The following TTN variants were observed in gnomAD, a reference collection of about 807,000 sequenced individuals.
The protein encoded by TTN is connectin.
Under a neutral mutation model 3,223.0 loss-of-function variants are expected in TTN, and 1,525 were observed. The observed-to-expected ratio is 0.47, with a 90% CI of 0.45 to 0.49. The LOEUF is 0.49. Among genes scored for constraint, TTN ranks in the 20% least tolerant of loss-of-function variants. TTN has a pLI of 0.00. For missense variants in TTN, 40,786 were observed against 43,424.0 expected, an observed-to-expected ratio of 0.94 and a Z score of 5.40; for synonymous variants, 14,094 against 15,161.0, an observed-to-expected ratio of 0.93 and a Z score of 5.17.
At chr2:178,541,785 A>T (rs573601252) in intron 349 of TTN, 358 of 317,976 alleles carry the variant, frequency 1.1e-3, no homozygotes, top group Middle Eastern at 9.4e-3. Flanking sequence ...TTTTATTAAA[A>T]ATTTTTGACT....
rs1041546705 is a variant in TTN, at chr2:178,723,434, G to T, written c.21666C>A (p.Thr7222=). The change falls in exon 74 of 363, where the codon ACC becomes ACA. Residue 7222 remains threonine (T), a synonymous_variant. Coordinates refer to ENST00000589042, the MANE Select transcript of TTN (RefSeq NM_001267550.2). Reference sequence around the variant, plus strand: ...TGAGCAAACCTTTCACAAAGAGACGGGTAGTGCAAGATGCTTGGCCAGCGT... The same window carrying T: ...TGAGCAAACCTTTCACAAAGAGACGTGTAGTGCAAGATGCTTGGCCAGCGT... ...SNNAGQASCT[T]RLFVKEPAAF... is the part of the protein sequence containing the mutation. The T allele has an allele frequency of 1.9e-6, 3 of 1,612,412 alleles. No homozygotes were observed. In the African/African-American group the frequency reaches 4.0e-5, roughly 22 times the overall value.
rs751001455 is a variant in TTN, at chr2:178,572,001, C to A, written c.74131G>T (p.Asp24711Tyr). 1 of 1,613,246 alleles carries A rather than the reference C, an allele frequency of 6.2e-7. No individual in the cohort carries two copies. The highest frequency in any genetic ancestry group is 8.5e-7 in the Non-Finnish European group (1 of 1,179,570). The change falls in exon 326 of 363, where the codon GAT (aspartate) becomes TAT (tyrosine). Residue 24711 changes from aspartate to tyrosine, a missense_variant. Coordinates refer to ENST00000589042, the MANE Select transcript of TTN (RefSeq NM_001267550.2). ...TTGAAGGCTGGTGGAATGACAAGAT[C>A]TTTGGCGATCACTGGCACACTCAGT... ...RQLSVPVIAK[D>Y]LVIPPAFKLL...
chr2:178,747,764 A>G, intron 47 of TTN: 2 of 1,611,772 alleles, frequency 1.2e-6, no homozygotes, highest in Non-Finnish European at 1.7e-6. Flanking sequence ...ACTAGTTTCT[A>G]TCATTTCTCC....
chr2:178,718,084 G>A lies in TTN; in HGVS notation c.24922C>T (p.Pro8308Ser), dbSNP rs373770383. The A allele has an allele frequency of 2.2e-5, 36 of 1,613,400 alleles. No individual in the cohort carries two copies. The African/African-American group carries it at 4.5e-4, about 20-fold the overall frequency. Residue 8308 changes from proline (P) to serine (S), a missense_variant, in exon 86 of 363, where the codon CCT (proline) becomes TCT (serine). Coordinates refer to ENST00000589042, the MANE Select transcript of TTN (RefSeq NM_001267550.2). ...YKEHTKLRSA[P>S]AYKMQFKNNV... ...TTTTTGAATTGCATTTTATATGCAG[G>A]AGCTGATCGTAGCTTTGTGTGTTCT...
chr2:178,623,219 C>T (rs1237486237), intron 242 of TTN, among the ~76,000 whole-genome samples: 1 of 151,848 alleles, frequency 6.6e-6, no homozygotes, highest in African/African-American at 2.4e-5. Flanking sequence ...GCACTATGGC[C>T]AGCCTTGTGT....
In TTN at chr2:178,667,319, T is replaced by G. The variant is rs1393002713; in HGVS notation, c.35714A>C (p.Glu11905Ala). The change falls in exon 162 of 363, where the codon GAA becomes GCA. Residue 11905 changes from glutamate (E) to alanine (A), a missense_variant and splice_region_variant. Transcript: ENST00000589042. ...AAAAATGCCTCTGGTTGTATCAGGT[T>G]CTTTAAAGATATTAGTAGGTTTACA... ...PKKRETPATKEPDTTRGIFPE... is the reference protein window; with the variant it reads ...PKKRETPATKAPDTTRGIFPE... 8.8e-6 allele frequency: 14 copies of G among 1,598,014 alleles called. No homozygotes were observed. The highest frequency in any genetic ancestry group is 1.1e-5 in the Non-Finnish European group (13 of 1,171,968).
chr2:178,584,746 A>C lies in TTN; in HGVS notation c.64895T>G (p.Phe21632Cys). The C allele has an allele frequency of 6.2e-7, 1 of 1,613,506 alleles. No homozygotes were observed. Among genetic ancestry groups the C allele is most frequent in the Non-Finnish European group, 8.5e-7 (1 of 1,179,582 alleles). The part of the protein sequence containing the change: ...GKLIPGQEYI[F>C]RVRAENRFGI... ...AAATCGGTTTTCAGCACGGACCCGG[A>C]AGATGTACTCCTGGCCTGGGATCAG... Residue 21632 changes from phenylalanine (F) to cysteine (C), a missense_variant, in exon 310 of 363, where the codon TTC becomes TGC. By Grantham distance (205) the Phe-to-Cys change is radical (BLOSUM62 -2). Coordinates refer to ENST00000589042, the MANE Select transcript of TTN (RefSeq NM_001267550.2).
At chr2:178,559,236 A>T in intron 326 of TTN, 75 bp downstream of exon 326, 1 of 1,343,240 alleles carries the variant, frequency 7.4e-7, no homozygotes, top group Non-Finnish European at 1.0e-6. Context: ...TGAAATAACG[A>T]CTAATTAGAA....
chr2:178,678,397 G>A lies in TTN; in HGVS notation c.33910+17C>T. 1.3e-6 allele frequency: 2 copies of A among 1,572,684 alleles called. No homozygotes were observed. The highest frequency in any genetic ancestry group is 1.7e-6 in the Non-Finnish European group (2 of 1,158,532). On this transcript the variant is annotated intron_variant, in intron 144 of 362. Coordinates refer to ENST00000589042, the MANE Select transcript of TTN (RefSeq NM_001267550.2). ...GAGTTTTTTCCCCCAAGTACTCTAA[G>A]TGATGAAATTATGTACCTTTTGCAG...
intron 44 of TTN, 107 bp from the exon 45 acceptor site, chr2:178,758,023 C>T (rs1299717503): frequency 7.6e-6 from 9 of 1,186,652 alleles, no homozygotes; most frequent in South Asian, 1.7e-5. Flanking sequence ...GACTAGAATT[C>T]AGTCCACTCC....
At position 178,546,063 on chromosome 2, in the gene TTN, A is replaced by C; in HGVS notation, c.95173T>G (p.Cys31725Gly). ...TGCGGAAGGCTCCAGGCTAAAGTGC[A>C]CTTCTCCTGTGTTACTCTGCTGACG... is the stretch of plus-strand genomic sequence containing the variant. ...LTVSRVTQEK[C>G]TLAWSLPQED... The change falls in exon 343 of 363, where the codon TGC (cysteine) becomes GGC (glycine). Residue 31725 changes from cysteine (C) to glycine (G), a missense_variant. Cys to Gly is a radical substitution (Grantham distance 159). Transcript: ENST00000589042. The C allele has an allele frequency of 6.2e-7, 1 of 1,613,574 alleles. No homozygotes were observed. Among genetic ancestry groups the C allele is most frequent in the Non-Finnish European group, 8.5e-7 (1 of 1,179,616 alleles).
At chr2:178,799,953 AC>A (rs2093977933) in intron 4 of TTN, 43 bp from the exon 5 acceptor site, 2 of 1,591,304 alleles carry the variant, frequency 1.3e-6, no homozygotes, top group Non-Finnish European at 1.7e-6. Context: ...GGGCACAATG[AC>A]CCATTTTAAA....
rs2072617029 is a variant in TTN, at chr2:178,692,154, C to A, written c.31679-55G>T. The stretch of plus-strand genomic sequence containing the variant: ...GGAATATTCTAGTCACCTTCTGAGA[C>A]ATCTAAGATTACATTAAAGCATAAA... On this transcript the variant is annotated intron_variant, in intron 120 of 362. Coordinates refer to ENST00000589042, the MANE Select transcript of TTN (RefSeq NM_001267550.2). 2.0e-6 allele frequency: 3 copies of A among 1,478,300 alleles called. No homozygotes were observed. The African/African-American group carries it at 4.2e-5, about 21-fold the overall frequency. The allele number at this position is 1,478,300 out of a possible 1,614,324, so 91.6% of individuals were successfully genotyped here. A position where few individuals can be genotyped will look rare whatever the true frequency, so the allele number is the denominator to read the frequency against.
chr2:178,615,718 T>G lies in TTN; in HGVS notation c.48383A>C (p.Lys16128Thr). 2 of 1,612,382 alleles carry G rather than the reference T, an allele frequency of 1.2e-6. No individual in the cohort carries two copies. Among genetic ancestry groups the G allele is most frequent in the Non-Finnish European group, 1.7e-6 (2 of 1,178,920 alleles). The change falls in exon 258 of 363, where the codon AAA becomes ACA. Residue 16128 changes from lysine (K) to threonine (T), a missense_variant. Physicochemically the swap from Lys to Thr is moderately conservative, Grantham distance 78 (BLOSUM62 -1). Coordinates refer to ENST00000589042, the MANE Select transcript of TTN (RefSeq NM_001267550.2). ...DLVQGKEYLF[K>T]VCARNKCGPG... is the part of the protein sequence containing the mutation. ...GCCACATTTGTTACGAGCACAAACT[T>G]TAAATAAGTACTCTTTTCCTTGAAC...
Position 178,720,997 on chromosome 2 carries a change from T to G in TTN, c.23022A>C (p.Glu7674Asp), listed in dbSNP as rs865791908. 6.2e-6 allele frequency: 10 copies of G among 1,612,944 alleles called. No homozygotes were observed. In the Middle Eastern group the frequency reaches 1.7e-3, roughly 266 times the overall value. ...CCTCACAAATGTAGTCCCCGCTGTCTTCAGCACTAGCTTCATTGATCGTAA... is the reference window on the plus strand; with the variant it reads ...CCTCACAAATGTAGTCCCCGCTGTCGTCAGCACTAGCTTCATTGATCGTAA... ...ALLTINEASA[E>D]DSGDYICEAH... is the part of the protein sequence containing the mutation. The change falls in exon 79 of 363, where the codon GAA (glutamate) becomes GAC (aspartate). Residue 7674 changes from glutamate to aspartate, a missense_variant. Coordinates refer to ENST00000589042, the MANE Select transcript of TTN (RefSeq NM_001267550.2).
At chr2:178,769,138 C>T (rs1181771107) in intron 37 of TTN, among the ~76,000 whole-genome samples, 1 of 151,924 alleles carries the variant, frequency 6.6e-6, no homozygotes. Context: ...GTGATAGACA[C>T]TGAGGCATCT....
chr2:178,569,329 C>G lies in TTN; in HGVS notation c.76803G>C (p.Thr25601=), dbSNP rs751627427. The change falls in exon 326 of 363, where the codon ACG becomes ACC. Residue 25601 remains threonine, a synonymous_variant. Transcript: ENST00000589042. ...CTTTCAGGTTAACAGGTGGACTTGG[C>G]GTGTCCAGAACTCTCACAGTAACAA... ...SAFVTVRVLD[T]PSPPVNLKVT... 2.5e-6 allele frequency: 4 copies of G among 1,612,990 alleles called. No individual in the cohort carries two copies. The African/African-American group carries it at 5.3e-5, about 22-fold the overall frequency.
intron 250 of TTN, chr2:178,619,087 T>C (rs1010483422): frequency 2.8e-5 from 16 of 571,700 alleles, no homozygotes; most frequent in African/African-American, 9.6e-5. Flanking sequence ...TCATAAGACA[T>C]GCATTCCTTG....
chr2:178,782,687 TC>T, intron 18 of TTN, 85 bp from the exon 19 acceptor site: 1 of 1,602,552 alleles, frequency 6.2e-7, no homozygotes, highest in South Asian at 1.1e-5. Context: ...CCATATAATC[TC>T]CCCCCAAGTT....
Sources: gnomAD v4.1 joint callset for allele counts (sites outside exome capture counted in the v4.1 genomes callset) on GRCh38, gnomAD v4.1.1 for gene constraint, MANE v1.5 for transcripts, NCBI Gene and HGNC (gene_info 2026-07-23, HGNC 2026-07-21) for gene names.